Variants in SARAF observed in about 807,000 individuals in gnomAD.
SARAF encodes the protein store-operated calcium entry associated regulatory factor, also known as store-operated calcium entry-associated regulatory factor.
SARAF carries 23 observed loss-of-function variants against 39.7 expected under a neutral mutation model. The ratio of observed to expected loss-of-function variants is 0.58; its 90% CI spans 0.42 to 0.82. The LOEUF (loss-of-function observed/expected upper bound fraction) is 0.82. Ranked by LOEUF, SARAF falls within the 40% of genes least tolerant of loss-of-function variation. The pLI is 0.00. For missense variants in SARAF, 384 were observed against 418.5 expected, an observed-to-expected ratio of 0.92 and a Z score of 0.72; for synonymous variants, 175 against 168.5, an observed-to-expected ratio of 1.04 and a Z score of -0.30.
At position 30,066,104 on chromosome 8, in the gene SARAF, G is replaced by T; in HGVS notation, c.878C>A (p.Pro293Gln). The T allele has an allele frequency of 6.2e-7, 1 of 1,614,104 alleles. No individual in the cohort carries two copies. Among genetic ancestry groups the T allele is most frequent in the Middle Eastern group, 1.7e-4 (1 of 6,058 alleles). Reference protein sequence around the residue: ...ATPFSDSWYYPSYPPSYPGTW... With the variant: ...ATPFSDSWYYQSYPPSYPGTW... ...GCCAGGGTAGGAGGGAGGATAGGAC[G>T]GGTAGTACCACGAGTCTGAGAAGGG... The change falls in exon 5 of 6, where the codon CCG becomes CAG. Residue 293 changes from proline to glutamine, a missense_variant. Coordinates refer to ENST00000256255, the MANE Select transcript of SARAF (RefSeq NM_016127.6).
intron 1 of SARAF, among the ~76,000 whole-genome samples, chr8:30,074,452 T>C (rs1801913220): frequency 6.6e-6 from 1 of 152,168 alleles, no homozygotes; most frequent in African/African-American, 2.4e-5. Context: ...GGTGAAGAAA[T>C]TAACACATTC....
chr8:30,066,184 A>G (rs1446069431), intron 4 of SARAF, 45 bp from the exon 5 acceptor site: 14 of 1,553,200 alleles, frequency 9.0e-6, no homozygotes, highest in African/African-American at 6.8e-5. Context: ...TCTTGTGGCT[A>G]TAATTTTTAA....
At chr8:30,072,289 T>A (rs1049435663) in intron 2 of SARAF, among the ~76,000 whole-genome samples, 1 of 152,220 alleles carries the variant, frequency 6.6e-6, no homozygotes, top group African/African-American at 2.4e-5. Context: ...TTTACCTTGG[T>A]TGTTTTCTTA....
intron 4 of SARAF, 101 bp from the exon 5 acceptor site, chr8:30,066,240 G>T: frequency 8.1e-7 from 1 of 1,239,544 alleles, no homozygotes. Flanking sequence ...TCTTTATCAA[G>T]TATTTTTTCC....
chr8:30,065,883 C>A, intron 5 of SARAF, 105 bp downstream of exon 5: 9 of 1,356,734 alleles, frequency 6.6e-6, no homozygotes, highest in Non-Finnish European at 9.3e-6. Flanking sequence ...GGTAGGTACA[C>A]CAAATAAAAC....
At position 30,066,851 on chromosome 8, in the gene SARAF, A is replaced by G. The variant is rs1347897846; in HGVS notation, c.768T>C (p.Tyr256=). 8 of 1,614,176 alleles carry G rather than the reference A, an allele frequency of 5.0e-6. No individual in the cohort carries two copies. The highest frequency in any genetic ancestry group is 3.3e-4 in the Middle Eastern group (2 of 6,062). Residue 256 remains tyrosine, a synonymous_variant, in exon 4 of 6, where the codon TAT becomes TAC. Transcript: ENST00000256255. ...TCCAGAACCCTGGTCCTGAATTTTC[A>G]TATCCTTGTTGTCCTGTAAAAGCAC... The part of the protein sequence containing the change: ...FGSAFTGQQG[Y]ENSGPGFWTG...
chr8:30,072,980 C>CT (rs1801879445), intron 2 of SARAF, among the ~76,000 whole-genome samples: 1 of 152,124 alleles, frequency 6.6e-6, no homozygotes, highest in Non-Finnish European at 1.5e-5. Context: ...CCATTACTGC[C>CT]TTTTTTTCCC....
chr8:30,074,192 C>T, intron 1 of SARAF, 137 bp from the exon 2 acceptor site: 1 of 939,818 alleles, frequency 1.1e-6, no homozygotes, highest in South Asian at 1.9e-5. Flanking sequence ...GAATCTATTT[C>T]TCAAAACTAT....
chr8:30,082,317 G>C (rs1802121316), intron 1 of SARAF: 1 of 140,670 alleles, frequency 7.1e-6, no homozygotes, highest in Non-Finnish European at 1.5e-5. Context: ...CGGCCGGGGC[G>C]ACAATGTGAG....
upstream of SARAF, chr8:30,083,207 TG>T: frequency 2.9e-6 from 1 of 349,798 alleles, no homozygotes; most frequent in East Asian, 5.5e-5. Flanking sequence ...CGAGGCGGTG[TG>T]GGCGGGGCCA....
chr8:30,068,134 G>C (rs1245737881), intron 3 of SARAF, among the ~76,000 whole-genome samples: 1 of 152,158 alleles, frequency 6.6e-6, no homozygotes, highest in Admixed American at 6.5e-5. Context: ...TGGGACCCCA[G>C]TACTGCTCCA....
Position 30,063,762 on chromosome 8 carries a change from A to T in SARAF, c.*126T>A, listed in dbSNP as rs1234497771. 3.8e-5 allele frequency: 31 copies of T among 820,256 alleles called. No individual in the cohort carries two copies. The highest frequency in any genetic ancestry group is 6.0e-5 in the Admixed American group (3 of 50,418). 50.8% of individuals were successfully genotyped at this position (820,256 alleles called of 1,614,324 possible). On this transcript the variant is annotated 3_prime_UTR_variant, in exon 6 of 6. Transcript: ENST00000256255. ...TAGAATACAAAAAGCTACACTGGAC[A>T]TAACACCACAGAACTTTTGAATATC... is the stretch of plus-strand genomic sequence containing the variant.
intron 2 of SARAF, 132 bp from the exon 3 acceptor site, chr8:30,070,191 C>T (rs761534413): frequency 1.4e-5 from 11 of 764,084 alleles, no homozygotes; most frequent in East Asian, 2.6e-5. Flanking sequence ...GGGTGGATCA[C>T]GCGGTCAGGA....
At chr8:30,064,082 A>C (rs1801616928) in intron 5 of SARAF, among the ~76,000 whole-genome samples, 169 bp from the exon 6 acceptor site, 1 of 152,174 alleles carries the variant, frequency 6.6e-6, no homozygotes, top group South Asian at 2.1e-4. Context: ...ATCGCCTCCC[A>C]CAGCAACCTT....
At chr8:30,071,030 CTTCT>C (rs1801828919) in intron 2 of SARAF, among the ~76,000 whole-genome samples, 1 of 152,170 alleles carries the variant, frequency 6.6e-6, no homozygotes, top group South Asian at 2.1e-4. Flanking sequence ...AAGCAATATG[CTTCT>C]TTAACTCTTA....
chr8:30,063,702 T>C lies in SARAF; in HGVS notation c.*186A>G, dbSNP rs1186436670. 5 of 615,846 alleles carry C rather than the reference T, an allele frequency of 8.1e-6. No individual in the cohort carries two copies. The highest frequency in any genetic ancestry group is 1.4e-5 in the Non-Finnish European group (5 of 346,598). 38.1% of individuals were successfully genotyped at this position (615,846 alleles called of 1,614,324 possible). On this transcript the variant is annotated 3_prime_UTR_variant, in exon 6 of 6. Coordinates refer to ENST00000256255, the MANE Select transcript of SARAF (RefSeq NM_016127.6). ...GTTACACTGACATACAACACATAAG[T>C]ATTTTGTCACACATCAACTTTTAGC...
At position 30,078,180 on chromosome 8, in the gene SARAF, G is replaced by GA. The variant is rs71204259; in HGVS notation, c.104-4126dup. 5.4e-3 allele frequency: 1,531 copies of GA among 285,184 alleles called. 5 individuals carry two copies. The highest frequency in any genetic ancestry group is 0.018 in the African/African-American group (671 of 37,640). 17.7% of individuals were successfully genotyped at this position (285,184 alleles called of 1,614,324 possible). On this transcript the variant is annotated intron_variant, in intron 1 of 5. Coordinates refer to ENST00000256255, the MANE Select transcript of SARAF (RefSeq NM_016127.6). ...AAAGAAAGAAAAAAGACAGTAGGAG[G>GA]AAAAAAAAAAAAAAGAAAGAAAGAA... is the stretch of plus-strand genomic sequence containing the variant.
chr8:30,074,137 A>G (rs998805224), intron 1 of SARAF, 82 bp from the exon 2 acceptor site: 5 of 1,464,030 alleles, frequency 3.4e-6, no homozygotes, highest in Non-Finnish European at 4.6e-6. Context: ...AACTCTCGTC[A>G]TAGGAAATGC....
At chr8:30,076,403 A>G (rs1166666538) in intron 1 of SARAF, among the ~76,000 whole-genome samples, 2 of 152,202 alleles carry the variant, frequency 1.3e-5, no homozygotes, top group African/African-American at 4.8e-5. Flanking sequence ...ACCTAAATAC[A>G]CTGACATCAG....
Sources: allele counts gnomAD v4.1 joint callset (sites outside exome capture counted in the v4.1 genomes callset), GRCh38; gene constraint gnomAD v4.1.1; transcripts MANE v1.5; gene names NCBI Gene and HGNC (gene_info 2026-07-23, HGNC 2026-07-21).